The following RANBP9 variants were observed in gnomAD, a reference collection of about 807,000 sequenced individuals.
RANBP9 encodes the protein ran-binding protein 9.
In RANBP9, 15 loss-of-function variants were observed where a neutral mutation model predicts 84.3. The observed-to-expected ratio is 0.18, with a 90% CI of 0.12 to 0.27. The LOEUF is 0.27. RANBP9 is among the 10% of genes least tolerant of loss of function. RANBP9 has a pLI of 1.00. For synonymous variants in RANBP9, 392 were observed against 349.6 expected (o/e 1.12, Z -1.35); for missense variants, 809 against 912.8 (o/e 0.89, Z 1.46).
chr6:13,679,154 G>A (rs75120063), intron 2 of RANBP9, among the ~76,000 whole-genome samples: 5,807 of 152,152 alleles, frequency 0.038, 164 homozygotes, highest in Non-Finnish European at 0.059. Flanking sequence ...TCTTCCCAAA[G>A]CATAAAGAAT....
At chr6:13,683,905 A>G (rs932176680) in intron 2 of RANBP9, among the ~76,000 whole-genome samples, 14 of 146,764 alleles carry the variant, frequency 9.5e-5, no homozygotes, top group African/African-American at 1.8e-4. Context: ...TGATGGTTAT[A>G]TATCTTTAGG....
At chr6:13,708,034 A>C (rs1011037636) in intron 1 of RANBP9, among the ~76,000 whole-genome samples, 3 of 152,252 alleles carry the variant, frequency 2.0e-5, no homozygotes, top group African/African-American at 7.2e-5. Context: ...CCTTATCTGC[A>C]TGTCTAGTAT....
intron 2 of RANBP9, among the ~76,000 whole-genome samples, chr6:13,665,579 G>C (rs1765626347): frequency 6.6e-6 from 1 of 152,184 alleles, no homozygotes; most frequent in Non-Finnish European, 1.5e-5. Context: ...AAGGCTGGCA[G>C]TTGCTCATAG....
At chr6:13,640,602 A>C (rs768432750) in intron 8 of RANBP9, among the ~76,000 whole-genome samples, 1 of 152,230 alleles carries the variant, frequency 6.6e-6, no homozygotes, top group African/African-American at 2.4e-5. Flanking sequence ...ATTCTGATAC[A>C]TACTACAATA....
intron 2 of RANBP9, among the ~76,000 whole-genome samples, chr6:13,662,586 C>A: frequency 6.6e-6 from 1 of 152,048 alleles, no homozygotes; most frequent in East Asian, 1.9e-4. Flanking sequence ...ATAAAAGAGG[C>A]GTGAGAAGGC....
intron 6 of RANBP9, among the ~76,000 whole-genome samples, chr6:13,643,617 T>C (rs974470064): frequency 6.6e-6 from 1 of 152,208 alleles, no homozygotes; most frequent in African/African-American, 2.4e-5. Context: ...AAGAAGTGGG[T>C]GGAAGGATCC....
chr6:13,671,887 C>A (rs1490522581), intron 2 of RANBP9, among the ~76,000 whole-genome samples: 1 of 152,004 alleles, frequency 6.6e-6, no homozygotes, highest in Non-Finnish European at 1.5e-5. Context: ...AAAAGCAGAA[C>A]AACTGAAAAT....
At chr6:13,665,711 T>A (rs959252318) in intron 2 of RANBP9, among the ~76,000 whole-genome samples, 2 of 152,148 alleles carry the variant, frequency 1.3e-5, no homozygotes, top group South Asian at 4.1e-4. Flanking sequence ...AGTGAAAAAC[T>A]TGAAACAGCC....
At chr6:13,682,142 G>A (rs954737346) in intron 2 of RANBP9, among the ~76,000 whole-genome samples, 5 of 151,760 alleles carry the variant, frequency 3.3e-5, no homozygotes, top group South Asian at 4.1e-4. Flanking sequence ...GATTACAGGC[G>A]TGAGCCACCG....
At chr6:13,624,431 AACAGC>A (rs1271750335) in intron 13 of RANBP9, among the ~76,000 whole-genome samples, 1 of 152,182 alleles carries the variant, frequency 6.6e-6, no homozygotes, top group Non-Finnish European at 1.5e-5. Flanking sequence ...TGCAGGGCCA[AACAGC>A]ACAGCACAGA....
At chr6:13,657,488 TAAAAC>T (rs1765427837) in intron 3 of RANBP9, among the ~76,000 whole-genome samples, 1 of 152,140 alleles carries the variant, frequency 6.6e-6, no homozygotes, top group Admixed American at 6.5e-5. Context: ...CACAGAACAC[TAAAAC>T]AAATATTAAA....
intron 2 of RANBP9, among the ~76,000 whole-genome samples, chr6:13,682,402 A>G (rs1231444590): frequency 3.3e-5 from 5 of 151,766 alleles, no homozygotes; most frequent in African/African-American, 4.8e-5. Flanking sequence ...AATTAAAAAA[A>G]AAAAAAAAAA....
rs770130718 is a variant in RANBP9 at position 13,626,345 on chromosome 6, A to G, written c.1948-581T>C. Among the ~76,000 whole-genome samples, 20 of 152,156 alleles carry G rather than the reference A, an allele frequency of 1.3e-4. No homozygotes were observed. The South Asian group carries it at 1.5e-3, about 11-fold the overall frequency. On this transcript the variant is annotated intron_variant, in intron 12 of 13. Transcript: ENST00000011619. ...CGTCTTCTTTTCAAACAACTACTTTATATTTTTTGTCTTCTTTCTATGGGA... is the reference window on the plus strand; with the variant it reads ...CGTCTTCTTTTCAAACAACTACTTTGTATTTTTTGTCTTCTTTCTATGGGA...
In RANBP9 at chr6:13,687,167, C is replaced by T. The variant is rs769901324; in HGVS notation, c.683+9618G>A. Among the ~76,000 whole-genome samples, 82 of 152,268 alleles carry T rather than the reference C, an allele frequency of 5.4e-4. 1 individual carries two copies. The Middle Eastern group carries it at 0.01, about 19-fold the overall frequency. On this transcript the variant is annotated intron_variant, in intron 2 of 13. Transcript: ENST00000011619. ...ACATTACATACTTGGGTGATCCTAT[C>T]AATTCCCATGGCTTTAACAACTTAA...
intron 1 of RANBP9, among the ~76,000 whole-genome samples, chr6:13,699,801 G>C (rs533792810): frequency 1.3e-5 from 2 of 152,276 alleles, no homozygotes; most frequent in South Asian, 4.1e-4. Context: ...GGCAGAAGTT[G>C]CAAGGGCCTG....
chr6:13,708,819 T>A (rs1295458690), intron 1 of RANBP9, among the ~76,000 whole-genome samples: 23 of 140,830 alleles, frequency 1.6e-4, no homozygotes, highest in African/African-American at 2.7e-4. Context: ...AACGGAAAAC[T>A]CACACACACA....
intron 2 of RANBP9, among the ~76,000 whole-genome samples, chr6:13,685,899 C>T (rs1766163491): frequency 6.6e-6 from 1 of 150,624 alleles, no homozygotes; most frequent in Non-Finnish European, 1.5e-5. Flanking sequence ...CCACTGCACT[C>T]CAGCCTGGCA....
At chr6:13,659,768 G>A (rs1018500648) in intron 2 of RANBP9, among the ~76,000 whole-genome samples, 2 of 152,088 alleles carry the variant, frequency 1.3e-5, no homozygotes, top group African/African-American at 4.8e-5. Context: ...TTAACTATGA[G>A]ACTTTTCCCC....
intron 2 of RANBP9, among the ~76,000 whole-genome samples, chr6:13,675,257 C>T (rs558350046): frequency 6.6e-4 from 101 of 152,294 alleles, no homozygotes; most frequent in African/African-American, 2.4e-3. Flanking sequence ...AAACAGAACA[C>T]ATTCTGGGAC....
Sources: gnomAD v4.1 joint callset for allele counts (sites outside exome capture counted in the v4.1 genomes callset) on GRCh38, gnomAD v4.1.1 for gene constraint, MANE v1.5 for transcripts, NCBI Gene and HGNC (gene_info 2026-07-23, HGNC 2026-07-21) for gene names.